Variants in VPS53 observed in about 807,000 individuals in gnomAD.
VPS53 encodes vacuolar protein sorting-associated protein 53 homolog.
A neutral mutation model predicts 107.0 loss-of-function variants in VPS53; 70 were observed. That is an observed-to-expected ratio of 0.65 (90% CI 0.54 to 0.80). The LOEUF is 0.80. Among genes scored for constraint, VPS53 ranks in the 30% least tolerant of loss-of-function variants. The pLI is 0.00. For synonymous variants in VPS53, 409 were observed against 393.3 expected, an observed-to-expected ratio of 1.04 and a Z score of -0.47; for missense variants, 917 against 1,049.4, an observed-to-expected ratio of 0.87 and a Z score of 1.74.
At chr17:627,365 T>C in intron 9 of VPS53, 49 bp from the exon 10 acceptor site, 2 of 1,570,774 alleles carry the variant, frequency 1.3e-6, no homozygotes, top group South Asian at 1.2e-5. Context: ...GAAGTAGAAA[T>C]GGCAGTTCAA....
At position 519,756 on chromosome 17, in the gene VPS53, C is replaced by T. The variant is rs1908578448; in HGVS notation, c.2328+70G>A. 1.7e-6 allele frequency: 2 copies of T among 1,173,586 alleles called. No individual in the cohort carries two copies. The highest frequency in any genetic ancestry group is 3.1e-5 in the African/African-American group (2 of 65,188). 72.7% of individuals were successfully genotyped at this position (1,173,586 alleles called of 1,614,324 possible). A position where few individuals can be genotyped will look rare whatever the true frequency, so the allele number is the denominator to read the frequency against. ...GAAAGCCCCCCCGGAACTTATATCC[C>T]AATTCCCGGTTAAGAACCGCTGAGT... On this transcript the variant is annotated intron_variant, in intron 21 of 21. Coordinates refer to ENST00000437048, the MANE Select transcript of VPS53 (RefSeq NM_001128159.3). The surrounding 1 kb of genome is among the most constrained non-coding windows in gnomAD (Gnocchi z 5.0).
At chr17:611,442 C>T (rs1968867996) in intron 11 of VPS53, among the ~76,000 whole-genome samples, 2 of 152,178 alleles carry the variant, frequency 1.3e-5, no homozygotes, top group Non-Finnish European at 1.5e-5. Context: ...AGGAGACACG[C>T]GTCAGCAAGG....
At chr17:647,710 C>T (rs1373237526) in intron 7 of VPS53, among the ~76,000 whole-genome samples, 3 of 152,068 alleles carry the variant, frequency 2.0e-5, no homozygotes, top group Non-Finnish European at 2.9e-5. Flanking sequence ...ATTTCCCTAG[C>T]GTTCTGCCAA....
At chr17:556,584 A>G (rs1912376978) in intron 15 of VPS53, among the ~76,000 whole-genome samples, 1 of 152,182 alleles carries the variant, frequency 6.6e-6, no homozygotes. Flanking sequence ...TAATCCCTGA[A>G]GCCACAGTGT....
chr17:661,935 G>A, intron 4 of VPS53, 40 bp from the exon 5 acceptor site: 1 of 1,497,024 alleles, frequency 6.7e-7, no homozygotes, highest in Non-Finnish European at 9.1e-7. Flanking sequence ...AAAGTGGCTA[G>A]AGACAGCTCC....
At chr17:619,228 G>T (rs142198252) in intron 11 of VPS53, among the ~76,000 whole-genome samples, 1 of 117,066 alleles carries the variant, frequency 8.5e-6, no homozygotes, top group African/African-American at 3.3e-5. Flanking sequence ...AGGTGCCCAC[G>T]ACGCCTGCTA....
At chr17:671,953 C>A (rs1313147449) in intron 4 of VPS53, among the ~76,000 whole-genome samples, 4 of 152,206 alleles carry the variant, frequency 2.6e-5, no homozygotes, top group Middle Eastern at 6.8e-3. Flanking sequence ...TCCCAACATG[C>A]TGGGATTACA....
intron 13 of VPS53, among the ~76,000 whole-genome samples, chr17:563,287 CTTTT>C (rs36076034): frequency 2.3e-4 from 24 of 103,314 alleles, no homozygotes; most frequent in African/African-American, 6.4e-4. Context: ...ACTTCATTTC[CTTTT>C]TTTTTTTTTT....
At chr17:689,089 T>C (rs2143845302) in intron 4 of VPS53, among the ~76,000 whole-genome samples, 1 of 152,326 alleles carries the variant, frequency 6.6e-6, no homozygotes, top group Non-Finnish European at 1.5e-5. Context: ...TTCCAAACTA[T>C]TTGTGGTCCC....
chr17:587,051 A>C (rs182335930), intron 12 of VPS53, among the ~76,000 whole-genome samples: 29 of 152,058 alleles, frequency 1.9e-4, no homozygotes, highest in Admixed American at 1.6e-3. Flanking sequence ...TAAAAAAAAA[A>C]CAAATAAAGG....
In VPS53 at chr17:562,540, C is replaced by T. The variant is rs1333358055; in HGVS notation, c.1519G>A (p.Glu507Lys). The T allele has an allele frequency of 6.2e-7, 1 of 1,614,066 alleles. No homozygotes were observed. Among genetic ancestry groups the T allele is most frequent in the Admixed American group, 1.7e-5 (1 of 59,988 alleles). Reference sequence around the variant, plus strand: ...CCAGAGAGGATTTTCCAGGCGTATTCTCGGAGGTACTTCTGGAAAATGGTG... The same window carrying T: ...CCAGAGAGGATTTTCCAGGCGTATTTTCGGAGGTACTTCTGGAAAATGGTG... ...LTTIFQKYLR[E>K]YAWKILSGNL... Residue 507 changes from glutamate to lysine, a missense_variant, in exon 14 of 22, where the codon GAA becomes AAA. Glu to Lys is a moderately conservative substitution (Grantham distance 56). Transcript: ENST00000437048.
intron 18 of VPS53, chr17:536,815 CG>C: frequency 3.6e-6 from 2 of 554,664 alleles, no homozygotes; most frequent in Non-Finnish European, 6.3e-6. Context: ...GTGATAATGA[CG>C]TGTTGATGCA....
intron 17 of VPS53, among the ~76,000 whole-genome samples, chr17:543,627 T>G (rs1910877742): frequency 6.6e-6 from 1 of 151,678 alleles, no homozygotes; most frequent in Non-Finnish European, 1.5e-5. Context: ...ACATACTCAT[T>G]TCTAAGGATT....
At chr17:665,371 T>C (rs1323045261) in intron 4 of VPS53, among the ~76,000 whole-genome samples, 2 of 152,228 alleles carry the variant, frequency 1.3e-5, no homozygotes, top group Non-Finnish European at 1.5e-5. Context: ...TGTGGGCCCC[T>C]TGACCTTGGA....
rs1971135004 is a variant in VPS53, at chr17:655,148, G to C, written c.488+690C>G. ...AATCACACTGAGGCTGGAGCAGGGG[G>C]AGTCCCCAGCCTGAGACGGGCCACA... On this transcript the variant is annotated intron_variant, in intron 6 of 21. Coordinates refer to ENST00000437048, the MANE Select transcript of VPS53 (RefSeq NM_001128159.3). Among the ~76,000 whole-genome samples the C allele has an allele frequency of 2.0e-5, 3 of 152,188 alleles. No individual in the cohort carries two copies. In the South Asian group the frequency reaches 6.2e-4, roughly 32 times the overall value.
intron 19 of VPS53, among the ~76,000 whole-genome samples, chr17:527,741 G>GTGGCT (rs1486110714): frequency 6.6e-6 from 1 of 152,134 alleles, no homozygotes; most frequent in Non-Finnish European, 1.5e-5. Context: ...AGCTTCCCGA[G>GTGGCT]TGGCTAGGAC....
chr17:553,579 T>G, intron 15 of VPS53, 117 bp from the exon 16 acceptor site: 1 of 772,998 alleles, frequency 1.3e-6, no homozygotes, highest in Non-Finnish European at 2.0e-6. Flanking sequence ...ATACACTTTT[T>G]TTTTTTTTTT....
intron 7 of VPS53, among the ~76,000 whole-genome samples, chr17:645,105 T>C (rs1157005634): frequency 6.6e-6 from 1 of 152,178 alleles, no homozygotes; most frequent in African/African-American, 2.4e-5. Flanking sequence ...CCTTCAAATT[T>C]TTAAAACTAC....
intron 17 of VPS53, among the ~76,000 whole-genome samples, chr17:541,301 G>C (rs1262138181): frequency 6.6e-6 from 1 of 152,242 alleles, no homozygotes; most frequent in Non-Finnish European, 1.5e-5. Context: ...AGACCAAAGA[G>C]ATGAAGGAAT....
Sources: gnomAD v4.1 joint callset for allele counts (sites outside exome capture counted in the v4.1 genomes callset) on GRCh38, gnomAD v4.1.1 for gene constraint, Gnocchi (gnomAD v3.1) non-coding constraint, MANE v1.5 for transcripts, NCBI Gene and HGNC (gene_info 2026-07-23, HGNC 2026-07-21) for gene names.